The following PLEKHA5 variants were observed in gnomAD, a reference collection of about 807,000 sequenced individuals.
PLEKHA5 encodes the protein pleckstrin homology domain containing A5.
A neutral mutation model predicts 181.9 loss-of-function variants in PLEKHA5; 55 were observed. The observed-to-expected ratio is 0.30, with a 90% confidence interval of 0.24 to 0.38. The LOEUF is 0.38. Ranked by LOEUF, PLEKHA5 falls within the 10% of genes least tolerant of loss-of-function variation. PLEKHA5 has a pLI of 1.00. For synonymous variants in PLEKHA5, 535 were observed against 529.4 expected, an observed-to-expected ratio of 1.01 and a Z score of -0.15; for missense variants, 1,432 against 1,549.5, an observed-to-expected ratio of 0.92 and a Z score of 1.27.
intron 3 of PLEKHA5, among the ~76,000 whole-genome samples, chr12:19,222,359 T>C (rs983172573): frequency 3.3e-5 from 5 of 152,120 alleles, no homozygotes; most frequent in African/African-American, 7.2e-5. Flanking sequence ...TTTGTAAAAA[T>C]CTTGGTACAG....
chr12:19,304,856 A>G (rs1461879436), intron 15 of PLEKHA5, among the ~76,000 whole-genome samples: 1 of 151,796 alleles, frequency 6.6e-6, no homozygotes, highest in African/African-American at 2.4e-5. Flanking sequence ...CCACTTTGGG[A>G]GGCCAACACG....
intron 15 of PLEKHA5, among the ~76,000 whole-genome samples, chr12:19,311,052 A>G (rs188016054): frequency 3.3e-5 from 5 of 152,206 alleles, no homozygotes; most frequent in Admixed American, 6.5e-5. Context: ...AGTTTGTTAC[A>G]TCAATTGACT....
intron 3 of PLEKHA5, among the ~76,000 whole-genome samples, chr12:19,206,163 A>G (rs556339351): frequency 5.9e-5 from 9 of 152,160 alleles, no homozygotes; most frequent in South Asian, 4.1e-4. Flanking sequence ...ATGGTGATCA[A>G]TAGGAAGATA....
Position 19,265,800 on chromosome 12 carries a change from A to T in PLEKHA5, c.661A>T (p.Ile221Leu). Residue 221 changes from isoleucine to leucine, a missense_variant, in exon 8 of 32, where the codon ATA becomes TTA. By Grantham distance (5) the Ile-to-Leu change is conservative (BLOSUM62 2). Around this residue, in one of 2 missense-constraint regions of PLEKHA5, gnomAD observed 289 missense variants for 381.1 expected, o/e 0.76. Transcript: ENST00000429027. ...LGSILLPSFQ[I>L]ALLTSEDHIN... ...AAGCATACTGTTACCTAGTTTTCAG[A>T]TAGCTTTGCTTACCTCTGAAGATCA... The T allele has an allele frequency of 6.2e-7, 1 of 1,605,784 alleles. No individual in the cohort carries two copies.
At chr12:19,375,016 T>C (rs1465756142) in intron 31 of PLEKHA5, among the ~76,000 whole-genome samples, 2 of 150,472 alleles carry the variant, frequency 1.3e-5, no homozygotes, top group African/African-American at 4.9e-5. Flanking sequence ...GGAAGAAGAA[T>C]TGCATTACAT....
intron 3 of PLEKHA5, among the ~76,000 whole-genome samples, chr12:19,135,285 G>A (rs2035277248): frequency 6.6e-6 from 1 of 152,122 alleles, no homozygotes; most frequent in African/African-American, 2.4e-5. Flanking sequence ...GGTGGTAAGA[G>A]GAGAGGATTG....
At chr12:19,361,728 G>A in intron 29 of PLEKHA5, 22 bp downstream of exon 29, 1 of 1,581,414 alleles carries the variant, frequency 6.3e-7, no homozygotes, top group Non-Finnish European at 8.6e-7. Context: ...GAAAAGCAAA[G>A]GAATCATTCA....
chr12:19,220,392 G>A lies in PLEKHA5; in HGVS notation c.228-33548G>A, dbSNP rs116062578. Among the ~76,000 whole-genome samples, 803 of 152,032 alleles carry A rather than the reference G, an allele frequency of 5.3e-3. 5 individuals are homozygous for A. Among genetic ancestry groups the A allele is most frequent in the African/African-American group, 0.018 (761 of 41,464 alleles). ...TGACGTCATCTAGCTTGCAGTCTGC[G>A]TCATTAAGTTTGACAGAGGTATGAA... On this transcript the variant is annotated intron_variant, in intron 3 of 31. Transcript: ENST00000429027.
chr12:19,157,306 C>T (rs536871957), intron 3 of PLEKHA5, among the ~76,000 whole-genome samples: 1 of 152,214 alleles, frequency 6.6e-6, no homozygotes, highest in South Asian at 2.1e-4. Context: ...CTGCCAGGCA[C>T]TGGGGATACG....
chr12:19,208,543 T>G (rs2056206842), intron 3 of PLEKHA5, among the ~76,000 whole-genome samples: 1 of 152,234 alleles, frequency 6.6e-6, no homozygotes, highest in Admixed American at 6.5e-5. Flanking sequence ...GGACTTTTTC[T>G]TAAATTGTAT....
At chr12:19,305,877 AAAAAAAAC>A (rs1432171604) in intron 15 of PLEKHA5, among the ~76,000 whole-genome samples, 1 of 145,186 alleles carries the variant, frequency 6.9e-6, no homozygotes, top group Non-Finnish European at 1.5e-5. Flanking sequence ...AAAAAAAAAA[AAAAAAAAC>A]AACTATGAAG....
At chr12:19,339,891 G>A (rs553781403) in intron 21 of PLEKHA5, among the ~76,000 whole-genome samples, 2 of 152,176 alleles carry the variant, frequency 1.3e-5, no homozygotes, top group African/African-American at 2.4e-5. Context: ...TATAAAACAC[G>A]CTATATAAGT....
chr12:19,290,784 C>T lies in PLEKHA5; in HGVS notation c.1971C>T (p.Ala657=). 1 of 1,534,226 alleles carries T rather than the reference C, an allele frequency of 6.5e-7. No homozygotes were observed. The highest frequency in any genetic ancestry group is 8.7e-7 in the Non-Finnish European group (1 of 1,145,268). ...AGCTCATGCAGCTAAAGCTTGAGGCCCACAGCCCAAAGGTCAGCTATGGAG... is the reference window on the plus strand; with the variant it reads ...AGCTCATGCAGCTAAAGCTTGAGGCTCACAGCCCAAAGGTCAGCTATGGAG... ...LAQLMQLKLE[A]HSPKNEILSH... is the part of the protein sequence containing the mutation. The change falls in exon 14 of 32, where the codon GCC becomes GCT. Residue 657 remains alanine, a synonymous_variant. Coordinates refer to ENST00000429027, the MANE Select transcript of PLEKHA5 (RefSeq NM_001256470.2).
intron 15 of PLEKHA5, among the ~76,000 whole-genome samples, chr12:19,311,721 C>T (rs2086635014): frequency 1.3e-5 from 2 of 152,128 alleles, no homozygotes; most frequent in Non-Finnish European, 2.9e-5. Flanking sequence ...ATCTGCAGTT[C>T]CTTCCTCCAC....
intron 3 of PLEKHA5, among the ~76,000 whole-genome samples, chr12:19,206,204 T>A (rs868562568): frequency 1.3e-5 from 2 of 152,074 alleles, no homozygotes; most frequent in Admixed American, 6.6e-5. Context: ...GATTTTTTTT[T>A]AAATCCAAAG....
intron 8 of PLEKHA5, among the ~76,000 whole-genome samples, chr12:19,266,566 T>G (rs1354244514): frequency 6.6e-6 from 1 of 151,932 alleles, no homozygotes; most frequent in Non-Finnish European, 1.5e-5. Context: ...GACAGAAAGC[T>G]TGAACCCAGG....
intron 3 of PLEKHA5, among the ~76,000 whole-genome samples, chr12:19,169,817 C>CTGGG (rs1393362181): frequency 5.9e-5 from 9 of 152,286 alleles, no homozygotes; most frequent in African/African-American, 2.2e-4. Flanking sequence ...GAGCATCTTT[C>CTGGG]TGGGCCATTA....
In PLEKHA5 at chr12:19,290,809, G is replaced by T; in HGVS notation, c.1983+13G>T. On this transcript the variant is annotated intron_variant, in intron 14 of 31. Transcript: ENST00000429027. ...CCACAGCCCAAAGGTCAGCTATGGA[G>T]AGATTTGTCTGTGTCGTCTGCCATC... The T allele has an allele frequency of 6.6e-7, 1 of 1,522,376 alleles. No individual in the cohort carries two copies. The highest frequency in any genetic ancestry group is 1.2e-5 in the South Asian group (1 of 82,272). 94.3% of individuals were successfully genotyped at this position (1,522,376 alleles called of 1,614,324 possible).
intron 20 of PLEKHA5, among the ~76,000 whole-genome samples, chr12:19,334,204 T>C (rs1387303120): frequency 6.6e-6 from 1 of 152,162 alleles, no homozygotes; most frequent in Non-Finnish European, 1.5e-5. Flanking sequence ...TTGTCTTGTG[T>C]TCCTACCCAC....
Sources: allele counts gnomAD v4.1 joint callset (sites outside exome capture counted in the v4.1 genomes callset), GRCh38; gene constraint gnomAD v4.1.1; regional missense constraint gnomAD v4.1.1; transcripts MANE v1.5; gene names NCBI Gene and HGNC (gene_info 2026-07-23, HGNC 2026-07-21).